Variants in LARGE1 observed in about 807,000 individuals in gnomAD.
LARGE1 encodes LARGE xylosyl- and glucuronyltransferase 1.
LARGE1 carries 43 observed loss-of-function variants against 87.6 expected under a neutral mutation model. The observed-to-expected ratio is 0.49, with a 90% CI of 0.38 to 0.63. The LOEUF is 0.63. LARGE1 is among the 30% of genes least tolerant of loss of function. LARGE1 has a pLI of 0.00. For missense variants in LARGE1, 802 were observed against 1,000.2 expected (o/e 0.80, Z 2.67); for synonymous variants, 434 against 394.6 (o/e 1.10, Z -1.18).
intron 3 of LARGE1, among the ~76,000 whole-genome samples, chr22:33,643,615 A>T (rs975385894): frequency 5.3e-5 from 8 of 152,178 alleles, no homozygotes; most frequent in African/African-American, 1.9e-4. Flanking sequence ...AAAATCAGTG[A>T]ATCCAGGAGT....
chr22:33,748,868 T>C (rs2084202786), intron 2 of LARGE1, among the ~76,000 whole-genome samples: 1 of 152,236 alleles, frequency 6.6e-6, no homozygotes, highest in Non-Finnish European at 1.5e-5. Context: ...CCCTTTCTAA[T>C]GCCTGAAGAA....
intron 11 of LARGE1, among the ~76,000 whole-genome samples, chr22:33,195,320 G>A (rs1924007601): frequency 6.6e-6 from 1 of 152,120 alleles, no homozygotes; most frequent in African/African-American, 2.4e-5. Flanking sequence ...TGAACATTAT[G>A]AACTATTCTG....
intron 11 of LARGE1, among the ~76,000 whole-genome samples, chr22:33,174,811 A>G (rs927514967): frequency 6.6e-6 from 1 of 152,204 alleles, no homozygotes; most frequent in East Asian, 1.9e-4. Flanking sequence ...GAATCCCTGA[A>G]TAGACTAATA....
intron 1 of LARGE1, among the ~76,000 whole-genome samples, chr22:33,826,852 TA>T (rs200759315): frequency 1.5e-4 from 23 of 151,364 alleles, no homozygotes; most frequent in Middle Eastern, 3.4e-3. Flanking sequence ...AAAAAAACAA[TA>T]AAAAAAAATT....
At position 33,187,414 on chromosome 22, in the gene LARGE1, C is replaced by T. The variant is rs149202997; in HGVS notation, c.1731-20582G>A. ...GAAAGACAAATACTGCATGATCTCA[C>T]TTATATGTGGAATCTAAATAAGTTG... On this transcript the variant is annotated intron_variant, in intron 11 of 11. Coordinates refer to the LARGE1 transcript ENST00000608642. Among the ~76,000 whole-genome samples the T allele has an allele frequency of 1.2e-3, 186 of 152,208 alleles. 1 individual carries two copies. The highest frequency in any genetic ancestry group is 4.4e-3 in the African/African-American group (181 of 41,532).
At chr22:33,769,646 C>T (rs748506382) in intron 1 of LARGE1, among the ~76,000 whole-genome samples, 2 of 152,194 alleles carry the variant, frequency 1.3e-5, no homozygotes, top group Non-Finnish European at 2.9e-5. Context: ...ACTATGAGAT[C>T]AGAAAACTCC....
chr22:33,838,779 C>T (rs2063183979), intron 1 of LARGE1, among the ~76,000 whole-genome samples: 1 of 152,154 alleles, frequency 6.6e-6, no homozygotes, highest in Admixed American at 6.5e-5. Flanking sequence ...GTTCATCTCC[C>T]TCACTCCCCC....
chr22:33,364,989 C>A (rs951762645), intron 9 of LARGE1, among the ~76,000 whole-genome samples: 1 of 152,098 alleles, frequency 6.6e-6, no homozygotes, highest in Non-Finnish European at 1.5e-5. Context: ...AACCACCATG[C>A]CTGACCTTCA....
intron 4 of LARGE1, among the ~76,000 whole-genome samples, chr22:33,621,890 C>A (rs1193839699): frequency 1.3e-5 from 2 of 152,122 alleles, no homozygotes; most frequent in African/African-American, 4.8e-5. Flanking sequence ...TGAGAATGAC[C>A]CTGTTTGACA....
At chr22:33,426,243 G>A (rs1449019029) in intron 7 of LARGE1, among the ~76,000 whole-genome samples, 1 of 152,126 alleles carries the variant, frequency 6.6e-6, no homozygotes, top group East Asian at 1.9e-4. Flanking sequence ...ACTTTTTGAA[G>A]GAAGGTTCTT....
intron 1 of LARGE1, among the ~76,000 whole-genome samples, chr22:33,915,046 G>C (rs868854831): frequency 1.6e-4 from 20 of 123,128 alleles, no homozygotes; most frequent in Admixed American, 3.3e-4. Flanking sequence ...CACACACAGA[G>C]AGAGAGAGAG....
At chr22:33,581,079 G>T (rs778820359) in intron 5 of LARGE1, among the ~76,000 whole-genome samples, 4 of 152,186 alleles carry the variant, frequency 2.6e-5, no homozygotes, top group Non-Finnish European at 4.4e-5. Context: ...TATTTCATTG[G>T]ATGCTTGAAA....
intron 6 of LARGE1, among the ~76,000 whole-genome samples, chr22:33,526,999 G>A (rs1320251405): frequency 6.6e-6 from 1 of 152,250 alleles, no homozygotes; most frequent in Non-Finnish European, 1.5e-5. Flanking sequence ...GCACACGCCT[G>A]TAATCGCAGC....
chr22:33,624,132 G>T (rs1016097118), intron 4 of LARGE1, among the ~76,000 whole-genome samples: 1 of 152,180 alleles, frequency 6.6e-6, no homozygotes, highest in Non-Finnish European at 1.5e-5. Context: ...GTCTGGGCTG[G>T]ATATATTAAT....
At chr22:33,871,657 G>A (rs982906137) in intron 1 of LARGE1, among the ~76,000 whole-genome samples, 2 of 151,950 alleles carry the variant, frequency 1.3e-5, no homozygotes. Flanking sequence ...TCCTTCCCCT[G>A]CACATAAGCG....
chr22:33,729,210 C>T (rs2083377555), intron 2 of LARGE1, among the ~76,000 whole-genome samples: 1 of 152,028 alleles, frequency 6.6e-6, no homozygotes, highest in Non-Finnish European at 1.5e-5. Context: ...GCAGATTAAG[C>T]AAAAGGCAAT....
chr22:33,867,907 G>A (rs567508197), intron 1 of LARGE1, among the ~76,000 whole-genome samples: 9 of 152,102 alleles, frequency 5.9e-5, no homozygotes, highest in Non-Finnish European at 1.2e-4. Context: ...TCAAGTACCA[G>A]TTCGGTCACT....
intron 7 of LARGE1, among the ~76,000 whole-genome samples, chr22:33,416,672 C>T (rs973789617): frequency 5.9e-5 from 9 of 152,076 alleles, no homozygotes; most frequent in Non-Finnish European, 8.8e-5. Context: ...GGTGCGATCT[C>T]GGCTCACTGC....
chr22:33,097,829 A>G, the LARGE1 span, among the ~76,000 whole-genome samples: 1 of 152,232 alleles, frequency 6.6e-6, no homozygotes. Context: ...TGTTGAGGAA[A>G]TTAAATGGTA....
Sources: gnomAD v4.1 joint callset for allele counts (sites outside exome capture counted in the v4.1 genomes callset) on GRCh38, gnomAD v4.1.1 for gene constraint, MANE v1.5 for transcripts, NCBI Gene and HGNC (gene_info 2026-07-23, HGNC 2026-07-21) for gene names.